The following SLC27A5 variants were observed in gnomAD, a reference collection of about 807,000 sequenced individuals.
SLC27A5 encodes the protein solute carrier family 27 member 5.
In SLC27A5, 47 loss-of-function variants were observed where a neutral mutation model predicts 63.1. The observed-to-expected ratio is 0.74, with a 90% CI of 0.59 to 0.95. The LOEUF (loss-of-function observed/expected upper bound fraction) is 0.95. SLC27A5 is among the 40% of genes least tolerant of loss of function. The pLI, the probability that SLC27A5 is intolerant of heterozygous loss-of-function variation, is 0.00. For missense variants in SLC27A5, 940 were observed against 921.0 expected, an observed-to-expected ratio of 1.02 and a Z score of -0.27; for synonymous variants, 391 against 403.8, an observed-to-expected ratio of 0.97 and a Z score of 0.38.
intron 4 of SLC27A5, chr19:58,501,056 G>T: frequency 8.1e-7 from 1 of 1,236,494 alleles, no homozygotes; most frequent in Non-Finnish European, 1.1e-6. Context: ...TCATGATAGG[G>T]GTAGGGGCTA....
At chr19:58,503,082 G>A (rs1443146433) in intron 3 of SLC27A5, among the ~76,000 whole-genome samples, 2 of 152,056 alleles carry the variant, frequency 1.3e-5, no homozygotes, top group Admixed American at 6.6e-5. Context: ...GCGGGCGCCT[G>A]TAGTCCCAGC....
At chr19:58,506,254 G>A (rs1000862775) in intron 3 of SLC27A5, among the ~76,000 whole-genome samples, 2 of 152,018 alleles carry the variant, frequency 1.3e-5, no homozygotes, top group Admixed American at 6.6e-5. Context: ...ACAAACAGAC[G>A]CCAGGCGCGG....
chr19:58,498,570 CG>C lies in SLC27A5; in HGVS notation c.2017del (p.Arg673GlyfsTer3), dbSNP rs2053235025. The C allele has an allele frequency of 6.2e-7, 1 of 1,613,938 alleles. No homozygotes were observed. The highest frequency in any genetic ancestry group is 1.7e-5 in the Admixed American group (1 of 59,980). ...CTGGTACATTTCTGCCGTCAGGGGC[CG>C]GAAGGACTGGGCCCGGTTGTCCAGT... ...FVLDNRAQSF[R>X]PLTAEMYQAV... is the part of the protein sequence containing the mutation. On this transcript the variant is annotated frameshift_variant, in exon 10 of 10. Coordinates refer to ENST00000263093, the MANE Select transcript of SLC27A5 (RefSeq NM_012254.3). LOFTEE classifies it low-confidence loss of function (END_TRUNC).
chr19:58,506,094 C>CTTT (rs879519627), intron 3 of SLC27A5, among the ~76,000 whole-genome samples: 1 of 140,068 alleles, frequency 7.1e-6, no homozygotes, highest in African/African-American at 2.6e-5. Context: ...CCATGCCTGG[C>CTTT]TTTTTTTTTT....
rs771436074 is a variant in SLC27A5, at chr19:58,511,320, G to A, written c.636C>T (p.Pro212=). 6 of 1,591,712 alleles carry A rather than the reference G, an allele frequency of 3.8e-6. No individual in the cohort carries two copies. The African/African-American group carries it at 8.0e-5, about 21-fold the overall frequency. Residue 212 remains proline, a synonymous_variant, in exon 1 of 10, where the codon CCC becomes CCT. Coordinates refer to ENST00000263093, the MANE Select transcript of SLC27A5 (RefSeq NM_012254.3). ...CAGAGCTCAGCACAGAGTGCGCCAG[G>A]GGCATCCCCCGGCCATGCGGGTTGA... is the stretch of plus-strand genomic sequence containing the variant. ...AWINPHGRGM[P]LAHSVLSSGA... is the part of the protein sequence containing the mutation.
intron 3 of SLC27A5, among the ~76,000 whole-genome samples, chr19:58,505,283 G>A (rs1378471369): frequency 6.6e-6 from 1 of 151,662 alleles, no homozygotes; most frequent in Non-Finnish European, 1.5e-5. Flanking sequence ...ATTTTCAGTA[G>A]AGACAGGGTT....
Position 58,511,640 on chromosome 19 carries a change from C to G in SLC27A5, c.316G>C (p.Gly106Arg). ...TCAGGCGGCTGCCGGCTCAAGCATCCCCTGATCTTCAGGCCCAGGTGGAGG... is the reference window on the plus strand; with the variant it reads ...TCAGGCGGCTGCCGGCTCAAGCATCGCCTGATCTTCAGGCCCAGGTGGAGG... ...KILHLGLKIR[G>R]CLSRQPPDTF... Residue 106 changes from glycine (G) to arginine (R), a missense_variant, in exon 1 of 10, where the codon GGA (glycine) becomes CGA (arginine). Coordinates refer to ENST00000263093, the MANE Select transcript of SLC27A5 (RefSeq NM_012254.3). The G allele has an allele frequency of 1.2e-6, 2 of 1,600,938 alleles. No homozygotes were observed. The highest frequency in any genetic ancestry group is 2.2e-5 in the South Asian group (2 of 89,124).
In SLC27A5 at chr19:58,511,550, T is replaced by C; in HGVS notation, c.406A>G (p.Thr136Ala). 6.4e-7 allele frequency: 1 copy of C among 1,564,902 alleles called. No individual in the cohort carries two copies. Among genetic ancestry groups the C allele is most frequent in the Non-Finnish European group, 8.7e-7 (1 of 1,152,702 alleles). ...AQPGRALLVW[T>A]GPGAGSVTFG... The stretch of plus-strand genomic sequence containing the variant: ...GTGACTGAGCCGGCCCCAGGCCCCG[T>C]CCACACCAAGAGTGCCCTGCCAGGC... Residue 136 changes from threonine (T) to alanine (A), a missense_variant, in exon 1 of 10, where the codon ACG becomes GCG. Transcript: ENST00000263093.
Position 58,510,943 on chromosome 19 carries a change from G to A in SLC27A5, c.689-13C>T. 2 of 1,566,378 alleles carry A rather than the reference G, an allele frequency of 1.3e-6. No individual in the cohort carries two copies. Among genetic ancestry groups the A allele is most frequent in the South Asian group, 2.4e-5 (2 of 85,018 alleles). ...CTCTCCCGGAGGTCTGCAGAGATGG[G>A]TCAGAGGAGAAACAGAGGCAAGGCT... On this transcript the variant is annotated splice_polypyrimidine_tract_variant and intron_variant, in intron 1 of 9. Transcript: ENST00000263093.
chr19:58,510,501 G>A (rs2053397421), intron 2 of SLC27A5: 2 of 485,214 alleles, frequency 4.1e-6, no homozygotes, highest in Non-Finnish European at 7.3e-6. Context: ...TTGAACCCAG[G>A]AGGTGGAGGT....
Position 58,498,702 on chromosome 19 carries a change from G to A in SLC27A5, c.1897-11C>T. The A allele has an allele frequency of 6.2e-7, 1 of 1,613,064 alleles. No homozygotes were observed. Among genetic ancestry groups the A allele is most frequent in the African/African-American group, 1.3e-5 (1 of 75,042 alleles). On this transcript the variant is annotated splice_polypyrimidine_tract_variant and intron_variant, in intron 9 of 9. Transcript: ENST00000263093. ...GACCTCCATGGCGTCCTGCAGGGCA[G>A]TGACCATGGTCCAATCACTGTGACA...
Position 58,510,918 on chromosome 19 carries a change from C to A in SLC27A5, c.701G>T (p.Ser234Ile), listed in dbSNP as rs1188657727. 1 of 1,605,310 alleles carries A rather than the reference C, an allele frequency of 6.2e-7. No individual in the cohort carries two copies. Among genetic ancestry groups the A allele is most frequent in the Admixed American group, 1.7e-5 (1 of 59,416 alleles). ...VLVVDPDLRE[S>I]LEEILPKLQA... ...CAGCTTGGGAAGGATCTCCTCCAGGCTCTCCCGGAGGTCTGCAGAGATGGG... is the reference window on the plus strand; with the variant it reads ...CAGCTTGGGAAGGATCTCCTCCAGGATCTCCCGGAGGTCTGCAGAGATGGG... The change falls in exon 2 of 10, where the codon AGC becomes ATC. Residue 234 changes from serine to isoleucine, a missense_variant. By Grantham distance (142) the Ser-to-Ile change is moderately radical. Transcript: ENST00000263093.
chr19:58,503,833 C>T (rs954442785), intron 3 of SLC27A5, among the ~76,000 whole-genome samples: 1 of 152,168 alleles, frequency 6.6e-6, no homozygotes, highest in Non-Finnish European at 1.5e-5. Flanking sequence ...AGCCAATTGG[C>T]TGGGCACAGT....
chr19:58,511,750 G>A lies in SLC27A5; in HGVS notation c.206C>T (p.Ala69Val), dbSNP rs748370633. 35 of 1,549,974 alleles carry A rather than the reference G, an allele frequency of 2.3e-5. No homozygotes were observed. Among genetic ancestry groups the A allele is most frequent in the Middle Eastern group, 2.2e-4 (1 of 4,636 alleles). The part of the protein sequence containing the change: ...WVPHGLSLAA[A>V]ALALTLLPAR... ...TGGCAGGAGGGTTAGTGCCAGGGCCGCAGCTGCCAGGCTCAGCCCATGGGG... is the reference window on the plus strand; with the variant it reads ...TGGCAGGAGGGTTAGTGCCAGGGCCACAGCTGCCAGGCTCAGCCCATGGGG... Residue 69 changes from alanine (A) to valine (V), a missense_variant, in exon 1 of 10, where the codon GCG (alanine) becomes GTG (valine). Physicochemically the swap from Ala to Val is moderately conservative, Grantham distance 64 (BLOSUM62 0). Transcript: ENST00000263093.
At chr19:58,503,068 G>A (rs997312891) in intron 3 of SLC27A5, among the ~76,000 whole-genome samples, 2 of 152,142 alleles carry the variant, frequency 1.3e-5, no homozygotes, top group Non-Finnish European at 2.9e-5. Flanking sequence ...AGCTGGGCGT[G>A]GTAGCGGGCG....
At position 58,498,593 on chromosome 19, in the gene SLC27A5, C is replaced by T; in HGVS notation, c.1995G>A (p.Leu665=). 1 of 1,614,104 alleles carries T rather than the reference C, an allele frequency of 6.2e-7. No individual in the cohort carries two copies. The highest frequency in any genetic ancestry group is 8.5e-7 in the Non-Finnish European group (1 of 1,180,022). ...VGIVVDPLFV[L]DNRAQSFRPL... Reference sequence around the variant, plus strand: ...GCCGGAAGGACTGGGCCCGGTTGTCCAGTACAAACAGAGGGTCAACCACGA... The same window carrying T: ...GCCGGAAGGACTGGGCCCGGTTGTCTAGTACAAACAGAGGGTCAACCACGA... Residue 665 remains leucine, a synonymous_variant, in exon 10 of 10, where the codon CTG becomes CTA. Transcript: ENST00000263093.
intron 6 of SLC27A5, 45 bp downstream of exon 6, chr19:58,500,294 G>T (rs1355939563): frequency 6.6e-7 from 1 of 1,522,012 alleles, no homozygotes; most frequent in Non-Finnish European, 9.1e-7. Flanking sequence ...GAAGACTGAG[G>T]GTCGCCACCC....
In SLC27A5 at chr19:58,511,475, C is replaced by A. The variant is rs2053410512; in HGVS notation, c.481G>T (p.Ala161Ser). 1 of 1,583,290 alleles carries A rather than the reference C, an allele frequency of 6.3e-7. No homozygotes were observed. Among genetic ancestry groups the A allele is most frequent in the East Asian group, 2.3e-5 (1 of 43,374 alleles). ...AGGCTCGCAGGGTCACCCAGCTCAG[C>A]CTTCAGGGCCCATGCCGCCTGGCAG... ...RACQAAWALK[A>S]ELGDPASLCA... Residue 161 changes from alanine to serine, a missense_variant, in exon 1 of 10, where the codon GCT becomes TCT. Coordinates refer to ENST00000263093, the MANE Select transcript of SLC27A5 (RefSeq NM_012254.3).
intron 3 of SLC27A5, 50 bp downstream of exon 3, chr19:58,509,797 C>A: frequency 6.5e-7 from 1 of 1,544,736 alleles, no homozygotes; most frequent in Admixed American, 1.9e-5. Context: ...CACGCCGACA[C>A]TTACTCCCGT....
Sources: allele counts gnomAD v4.1 joint callset (sites outside exome capture counted in the v4.1 genomes callset), GRCh38; gene constraint gnomAD v4.1.1; transcripts MANE v1.5; gene names NCBI Gene and HGNC (gene_info 2026-07-23, HGNC 2026-07-21).